The following GNAO1 variants were observed in gnomAD, a reference collection of about 807,000 sequenced individuals.
The protein encoded by GNAO1 is G protein subunit alpha o1.
For missense variants in GNAO1, 166 were observed against 478.7 expected (o/e 0.35, Z 6.10); for synonymous variants, 164 against 180.7 (o/e 0.91, Z 0.74).
At position 56,354,227 on chromosome 16, in the gene GNAO1, C is replaced by T. The variant is rs1217289832; in HGVS notation, c.878-639C>T. The stretch of plus-strand genomic sequence containing the variant: ...AATTTGCTCATCTAGGAAGCAAAAG[C>T]GTTCATCTGTGGCCACTGCTGTCCC... On this transcript the variant is annotated intron_variant, in intron 7 of 8. Coordinates refer to ENST00000262493, the MANE Select transcript of GNAO1 (RefSeq NM_020988.3). This position sits in a 1 kb window ranked among gnomAD's most constrained non-coding sequence, Gnocchi z 4.3. Among the ~76,000 whole-genome samples the T allele has an allele frequency of 6.6e-6, 1 of 152,236 alleles. No homozygotes were observed. Among genetic ancestry groups the T allele is most frequent in the South Asian group, 2.1e-4 (1 of 4,834 alleles).
chr16:56,355,721 T>A (rs552349414), intron 8 of GNAO1: 1 of 152,376 alleles, frequency 6.6e-6, no homozygotes, highest in Non-Finnish European at 1.5e-5. Flanking sequence ...TCTTTATTCA[T>A]GTTAAGATGG....
intron 3 of GNAO1, among the ~76,000 whole-genome samples, chr16:56,286,485 A>G (rs1051032918): frequency 6.6e-6 from 1 of 152,094 alleles, no homozygotes; most frequent in African/African-American, 2.4e-5. Flanking sequence ...GGCTTCCCCC[A>G]TCTCTCCACT....
intron 2 of GNAO1, among the ~76,000 whole-genome samples, chr16:56,270,062 T>C (rs2037001724): frequency 6.6e-6 from 1 of 152,040 alleles, no homozygotes; most frequent in East Asian, 1.9e-4. Flanking sequence ...GAGAGAGAAA[T>C]GGAGGTGCGG....
intron 2 of GNAO1, among the ~76,000 whole-genome samples, chr16:56,267,779 G>T (rs1269787517): frequency 6.6e-6 from 1 of 152,076 alleles, no homozygotes; most frequent in African/African-American, 2.4e-5. Context: ...TGTGTCTGTC[G>T]CTTTTATCCC....
At chr16:56,204,147 C>G (rs1458625824) in intron 2 of GNAO1, among the ~76,000 whole-genome samples, 1 of 152,142 alleles carries the variant, frequency 6.6e-6, no homozygotes, top group African/African-American at 2.4e-5. Flanking sequence ...TATCAGAGAA[C>G]TCCTCCCCAT....
chr16:56,333,694 A>T (rs9937314), intron 4 of GNAO1, among the ~76,000 whole-genome samples: 1 of 152,234 alleles, frequency 6.6e-6, no homozygotes, highest in Non-Finnish European at 1.5e-5. Flanking sequence ...GCTGGTCAGC[A>T]TGCCCATCTC....
At chr16:56,333,391 T>C (rs1251206364) in intron 4 of GNAO1, among the ~76,000 whole-genome samples, 5 of 152,194 alleles carry the variant, frequency 3.3e-5, no homozygotes, top group South Asian at 4.2e-4. Flanking sequence ...TTTGCATTTT[T>C]AGTAGAGATG....
At chr16:56,335,065 A>G (rs1387136610) in intron 5 of GNAO1, among the ~76,000 whole-genome samples, 3 of 152,230 alleles carry the variant, frequency 2.0e-5, no homozygotes, top group African/African-American at 7.2e-5. Flanking sequence ...CTGGAAGAAG[A>G]TTCCCAGAGT....
intron 2 of GNAO1, among the ~76,000 whole-genome samples, chr16:56,262,184 A>G (rs2036909561): frequency 6.6e-6 from 1 of 152,230 alleles, no homozygotes; most frequent in Admixed American, 6.5e-5. Context: ...TGTCCACTAC[A>G]GCCCTCATTT....
intron 2 of GNAO1, chr16:56,213,446 A>G (rs905033239): frequency 4.0e-5 from 16 of 397,416 alleles, no homozygotes; most frequent in Non-Finnish European, 6.7e-5. Flanking sequence ...AGTGCTATGG[A>G]GAAGAATAAA....
chr16:56,269,282 T>G (rs1218181725), intron 2 of GNAO1, among the ~76,000 whole-genome samples: 1 of 152,072 alleles, frequency 6.6e-6, no homozygotes, highest in African/African-American at 2.4e-5. Context: ...TGTTAACCCT[T>G]GCTGCTGTTG....
At chr16:56,334,012 C>A (rs775124507) in intron 4 of GNAO1, among the ~76,000 whole-genome samples, 2 of 152,376 alleles carry the variant, frequency 1.3e-5, no homozygotes, top group South Asian at 4.1e-4. Context: ...GAGTGCTTGG[C>A]CTGAGGCCTG....
At chr16:56,254,087 AT>A (rs1419696577) in intron 2 of GNAO1, among the ~76,000 whole-genome samples, 1 of 152,242 alleles carries the variant, frequency 6.6e-6, no homozygotes, top group African/African-American at 2.4e-5. Context: ...AATTAAAAAA[AT>A]AAACATATCT....
intron 6 of GNAO1, chr16:56,341,012 G>A: frequency 6.2e-7 from 1 of 1,601,738 alleles, no homozygotes; most frequent in Non-Finnish European, 8.5e-7. Context: ...AGGGACAGCA[G>A]GCCCCCGAGG....
At chr16:56,320,839 G>A (rs1339449468) in intron 3 of GNAO1, among the ~76,000 whole-genome samples, 1 of 152,224 alleles carries the variant, frequency 6.6e-6, no homozygotes, top group Non-Finnish European at 1.5e-5. Flanking sequence ...AACTGGGACA[G>A]TGGTGGGAAG....
chr16:56,323,994 A>G lies in GNAO1; in HGVS notation c.304-4637A>G, dbSNP rs1045241355. On this transcript the variant is annotated intron_variant, in intron 3 of 8. Transcript: ENST00000262493. ...TCTTTGAATTTGAGCAGTTGAGCCAATGTGGAAGACAGGAGAGAGCGGGAA... is the reference window on the plus strand; with the variant it reads ...TCTTTGAATTTGAGCAGTTGAGCCAGTGTGGAAGACAGGAGAGAGCGGGAA... Among the ~76,000 whole-genome samples the G allele has an allele frequency of 2.6e-5, 4 of 151,414 alleles. No homozygotes were observed. In the East Asian group the frequency reaches 5.9e-4, roughly 22 times the overall value.
At chr16:56,203,703 G>A (rs1040178161) in intron 2 of GNAO1, among the ~76,000 whole-genome samples, 4 of 152,212 alleles carry the variant, frequency 2.6e-5, no homozygotes, top group African/African-American at 9.6e-5. Context: ...ACTAATTTGA[G>A]CTGGGATTCT....
intron 2 of GNAO1, among the ~76,000 whole-genome samples, chr16:56,227,890 T>C (rs1174677973): frequency 6.6e-6 from 1 of 152,104 alleles, no homozygotes; most frequent in Non-Finnish European, 1.5e-5. Flanking sequence ...TTAATGGTGT[T>C]CTTCAGTGTC....
chr16:56,246,173 G>T (rs2036742460), intron 2 of GNAO1, among the ~76,000 whole-genome samples: 1 of 152,168 alleles, frequency 6.6e-6, no homozygotes, highest in African/African-American at 2.4e-5. Context: ...ATCAGTGGCT[G>T]ACTCCACACT....
Sources: gnomAD v4.1 joint callset for allele counts (sites outside exome capture counted in the v4.1 genomes callset) on GRCh38, gnomAD v4.1.1 for gene constraint, Gnocchi (gnomAD v3.1) non-coding constraint, MANE v1.5 for transcripts, NCBI Gene and HGNC (gene_info 2026-07-23, HGNC 2026-07-21) for gene names.